Variants in SDK1 observed in about 807,000 individuals in gnomAD.
SDK1 encodes the protein protein sidekick-1.
Under a neutral mutation model 245.5 loss-of-function variants are expected in SDK1, and 157 were observed. The observed-to-expected ratio is 0.64, with a 90% CI of 0.56 to 0.73. The LOEUF (loss-of-function observed/expected upper bound fraction) is 0.73, where lower values mean the gene tolerates loss of function less well. SDK1 is among the 30% of genes least tolerant of loss of function. The probability of loss-of-function intolerance (pLI) is 0.00; values close to 1 mark genes in which losing one functional copy is unlikely to be tolerated. For missense variants in SDK1, 3,583 were observed against 3,002.3 expected (o/e 1.19, Z -4.52); for synonymous variants, 1,647 against 1,278.5 (o/e 1.29, Z -6.15).
At chr7:3,432,126 T>C (rs898011184) in intron 1 of SDK1, among the ~76,000 whole-genome samples, 3 of 146,230 alleles carry the variant, frequency 2.1e-5, no homozygotes, top group Non-Finnish European at 4.5e-5. Flanking sequence ...AAAAAAAAAA[T>C]ATATATATGT....
intron 5 of SDK1, among the ~76,000 whole-genome samples, chr7:3,943,633 C>G (rs184639190): frequency 9.9e-5 from 15 of 151,610 alleles, no homozygotes; most frequent in Admixed American, 5.9e-4. Context: ...GCGGGGCTGC[C>G]GTGGAAGGGG....
intron 7 of SDK1, 83 bp downstream of exon 7, chr7:3,952,003 A>G: frequency 7.8e-7 from 1 of 1,288,932 alleles, no homozygotes; most frequent in Non-Finnish European, 1.1e-6. Flanking sequence ...AAAATAGCGT[A>G]TTTCAGTGGC....
intron 4 of SDK1, among the ~76,000 whole-genome samples, chr7:3,672,779 A>ATATATATG (rs1783753184): frequency 1.0e-5 from 1 of 100,430 alleles, no homozygotes; most frequent in Admixed American, 1.1e-4. Context: ...ATATATATAT[A>ATATATATG]TATATATATA....
intron 4 of SDK1, among the ~76,000 whole-genome samples, chr7:3,716,689 G>A (rs1264081949): frequency 6.6e-6 from 1 of 151,542 alleles, no homozygotes; most frequent in Non-Finnish European, 1.5e-5. Flanking sequence ...AGCCCAGGAG[G>A]TCAGTGCTGC....
chr7:4,132,231 C>A, intron 27 of SDK1, 94 bp from the exon 28 acceptor site: 1 of 970,670 alleles, frequency 1.0e-6, no homozygotes, highest in South Asian at 1.5e-5. Context: ...GTGGTAGTTA[C>A]TGCAGCCAGC....
At chr7:3,903,412 C>G (rs367625367) in intron 5 of SDK1, among the ~76,000 whole-genome samples, 2 of 152,064 alleles carry the variant, frequency 1.3e-5, no homozygotes, top group African/African-American at 2.4e-5. Flanking sequence ...TCCCAAAGTG[C>G]TTGGATTACA....
intron 1 of SDK1, among the ~76,000 whole-genome samples, chr7:3,517,798 C>CTA: frequency 6.6e-6 from 1 of 152,280 alleles, no homozygotes; most frequent in African/African-American, 2.4e-5. Flanking sequence ...ATTTCCTCTC[C>CTA]TAGGTCATCA....
intron 13 of SDK1, among the ~76,000 whole-genome samples, chr7:3,975,962 G>T (rs563496680): frequency 2.4e-5 from 3 of 125,000 alleles, no homozygotes; most frequent in African/African-American, 6.0e-5. Context: ...GCCACGCAGA[G>T]GGTCCTCCAG....
chr7:3,672,796 A>ATATATATATATGT (rs1554307151), intron 4 of SDK1, among the ~76,000 whole-genome samples: 1 of 53,416 alleles, frequency 1.9e-5, no homozygotes. Flanking sequence ...TATATATATA[A>ATATATATATATGT]AAAATACAGA....
At chr7:3,955,014 C>T (rs1781145736) in intron 7 of SDK1, among the ~76,000 whole-genome samples, 4 of 152,064 alleles carry the variant, frequency 2.6e-5, no homozygotes, top group Non-Finnish European at 4.4e-5. Flanking sequence ...GACTGCAGCA[C>T]CTTAGTGCCT....
chr7:4,052,382 TTATA>T (rs1311199028), intron 19 of SDK1, among the ~76,000 whole-genome samples: 1 of 151,840 alleles, frequency 6.6e-6, no homozygotes, highest in Non-Finnish European at 1.5e-5. Flanking sequence ...ACACAAAGAT[TTATA>T]TATATACAAG....
At chr7:4,054,183 C>G (rs145892527) in intron 19 of SDK1, among the ~76,000 whole-genome samples, 1 of 152,074 alleles carries the variant, frequency 6.6e-6, no homozygotes, top group Non-Finnish European at 1.5e-5. Flanking sequence ...TCAGGTGATC[C>G]GCACACCTCA....
At position 4,132,394 on chromosome 7, in the gene SDK1, C is replaced by G; in HGVS notation, c.4199C>G (p.Pro1400Arg). 6.2e-7 allele frequency: 1 copy of G among 1,612,602 alleles called. No individual in the cohort carries two copies. The highest frequency in any genetic ancestry group is 1.7e-4 in the Middle Eastern group (1 of 6,056). The change falls in exon 28 of 45, where the codon CCT becomes CGT. Residue 1400 changes from proline (P) to arginine (R), a missense_variant. Physicochemically the swap from Pro to Arg is moderately radical, Grantham distance 103. Transcript: ENST00000404826. ...RLTSVRIVWQ[P>R]PEEPNGIILG... ...ACCTCCGTGCGGATAGTGTGGCAACCTCCGGAGGAGCCCAACGGCATCATC... is the reference window on the plus strand; with the variant it reads ...ACCTCCGTGCGGATAGTGTGGCAACGTCCGGAGGAGCCCAACGGCATCATC...
At chr7:4,098,747 T>G (rs1039434932) in intron 22 of SDK1, among the ~76,000 whole-genome samples, 4 of 149,884 alleles carry the variant, frequency 2.7e-5, no homozygotes, top group Admixed American at 6.7e-5. Context: ...CACTGCAGCC[T>G]CAACCTCCCA....
intron 1 of SDK1, among the ~76,000 whole-genome samples, chr7:3,547,263 T>A (rs566694915): frequency 6.6e-6 from 1 of 152,336 alleles, no homozygotes; most frequent in Non-Finnish European, 1.5e-5. Context: ...AACTGTAATT[T>A]AACAGTCATA....
chr7:3,721,432 T>C (rs1778794634), intron 4 of SDK1, among the ~76,000 whole-genome samples: 1 of 152,206 alleles, frequency 6.6e-6, no homozygotes. Flanking sequence ...CTCGTAAATC[T>C]AATTATTTCA....
chr7:3,415,582 A>G (rs1426001380), intron 1 of SDK1, among the ~76,000 whole-genome samples: 3 of 152,042 alleles, frequency 2.0e-5, no homozygotes, highest in Non-Finnish European at 4.4e-5. Context: ...GGAAATGCCC[A>G]TATACACACA....
intron 22 of SDK1, among the ~76,000 whole-genome samples, chr7:4,091,127 A>G (rs1396286729): frequency 6.6e-6 from 1 of 152,088 alleles, no homozygotes; most frequent in Non-Finnish European, 1.5e-5. Flanking sequence ...TCAAAGTCTA[A>G]CATGACTGCA....
chr7:3,921,573 T>A (rs1779588302), intron 5 of SDK1, among the ~76,000 whole-genome samples: 2 of 152,144 alleles, frequency 1.3e-5, no homozygotes, highest in African/African-American at 4.8e-5. Flanking sequence ...AGCTCCAGCT[T>A]AAAAGTAGAG....
Sources: gnomAD v4.1 joint callset for allele counts (sites outside exome capture counted in the v4.1 genomes callset) on GRCh38, gnomAD v4.1.1 for gene constraint, MANE v1.5 for transcripts, NCBI Gene and HGNC (gene_info 2026-07-23, HGNC 2026-07-21) for gene names.